TACC2: variants seen among roughly 807,000 people sequenced by gnomAD.
TACC2 encodes transforming acidic coiled-coil-containing protein 2.
TACC2 carries 137 observed loss-of-function variants against 227.3 expected under a neutral mutation model. The ratio of observed to expected loss-of-function variants is 0.60; its 90% CI spans 0.52 to 0.69. The LOEUF (loss-of-function observed/expected upper bound fraction) is 0.69, where lower values mean the gene tolerates loss of function less well. TACC2 is among the 30% of genes least tolerant of loss of function. TACC2 has a pLI of 0.00. For missense variants in TACC2, 3,470 were observed against 3,694.4 expected (o/e 0.94, Z 1.57); for synonymous variants, 1,523 against 1,487.5 (o/e 1.02, Z -0.55).
intron 7 of TACC2, among the ~76,000 whole-genome samples, chr10:122,145,202 T>C (rs949499797): frequency 6.6e-5 from 10 of 152,232 alleles, no homozygotes; most frequent in Admixed American, 2.6e-4. Flanking sequence ...GATGAAAATA[T>C]ATGTCTACCT....
chr10:122,247,995 A>G (rs1220958936), intron 19 of TACC2: 1 of 152,306 alleles, frequency 6.6e-6, no homozygotes, highest in African/African-American at 2.4e-5. Flanking sequence ...CACCAGGATC[A>G]GCCACTCGGA....
intron 5 of TACC2, among the ~76,000 whole-genome samples, chr10:122,131,852 A>G (rs1254662901): frequency 2.6e-5 from 4 of 151,144 alleles, no homozygotes; most frequent in African/African-American, 4.9e-5. Flanking sequence ...TGAAACCCCA[A>G]CTCTACTAGA....
chr10:122,032,820 G>A (rs766065916), intron 2 of TACC2, among the ~76,000 whole-genome samples: 31 of 152,194 alleles, frequency 2.0e-4, no homozygotes, highest in African/African-American at 3.1e-4. Context: ...TTAGCCGGGC[G>A]TGGTGGCATG....
chr10:122,171,247 T>C (rs2093458394), intron 7 of TACC2, among the ~76,000 whole-genome samples: 1 of 152,140 alleles, frequency 6.6e-6, no homozygotes, highest in South Asian at 2.1e-4. Context: ...CTTTTGCCTT[T>C]TCGTCTGCTT....
intron 1 of TACC2, among the ~76,000 whole-genome samples, chr10:121,990,567 C>G (rs1952987202): frequency 6.6e-6 from 1 of 151,986 alleles, no homozygotes. Context: ...ACCATTGTTC[C>G]TGGTGTTTCA....
intron 3 of TACC2, among the ~76,000 whole-genome samples, chr10:122,067,142 C>T (rs932959137): frequency 1.1e-4 from 16 of 152,148 alleles, no homozygotes; most frequent in African/African-American, 3.9e-4. Context: ...GTTCTTTATT[C>T]TGTTGTGTAG....
At chr10:122,076,985 A>G (rs904999593) in intron 3 of TACC2, among the ~76,000 whole-genome samples, 3 of 151,942 alleles carry the variant, frequency 2.0e-5, no homozygotes, top group Non-Finnish European at 4.4e-5. Flanking sequence ...CATGGTGGCA[A>G]AGGCCTGTAA....
intron 22 of TACC2, among the ~76,000 whole-genome samples, chr10:122,251,598 G>A (rs752584411): frequency 1.3e-5 from 2 of 152,198 alleles, no homozygotes; most frequent in Non-Finnish European, 2.9e-5. Context: ...TATTCGGGAG[G>A]CTAAGGTGGG....
intron 2 of TACC2, among the ~76,000 whole-genome samples, chr10:122,035,471 C>T (rs1029441358): frequency 6.6e-6 from 1 of 152,186 alleles, no homozygotes; most frequent in African/African-American, 2.4e-5. Context: ...ACGTGAGAAT[C>T]AGCAGTGAAC....
chr10:122,052,724 C>T (rs998967136), intron 3 of TACC2: 1 of 151,022 alleles, frequency 6.6e-6, no homozygotes, highest in Non-Finnish European at 1.5e-5. Context: ...CAAGAACACA[C>T]TCAAAAAAGC....
At position 122,207,122 on chromosome 10, in the gene TACC2, A is replaced by G. The variant is rs2095137329; in HGVS notation, c.5972-3275A>G. The stretch of plus-strand genomic sequence containing the variant: ...AAGACCAACCTGGCCAACATAATGA[A>G]ACCCCATCTCTACTAAAAATAGAAA... On this transcript the variant is annotated intron_variant, in intron 8 of 22. Transcript: ENST00000369005. Among the ~76,000 whole-genome samples the G allele has an allele frequency of 2.0e-5, 3 of 151,912 alleles. No individual in the cohort carries two copies. The South Asian group carries it at 6.2e-4, about 32-fold the overall frequency.
In TACC2 at chr10:122,119,140, TC is replaced by T. The variant is rs1565351763; in HGVS notation, c.5574-13468del. On this transcript the variant is annotated intron_variant, in intron 5 of 22. Transcript: ENST00000369005. ...TAAACAACAATTTCCCTTCTTCCCT[TC>T]TCTCCCCAGACCCTGGTAACACTAT... 9.1e-3 allele frequency among the ~76,000 whole-genome samples: 1,386 copies of T among 152,278 alleles called. 16 individuals carry two copies. The highest frequency in any genetic ancestry group is 0.032 in the African/African-American group (1,337 of 41,550).
At chr10:122,171,244 C>A (rs372568060) in intron 7 of TACC2, among the ~76,000 whole-genome samples, 1 of 152,010 alleles carries the variant, frequency 6.6e-6, no homozygotes, top group Non-Finnish European at 1.5e-5. Context: ...CTGCTTTTGC[C>A]TTTTCGTCTG....
intron 7 of TACC2, chr10:122,163,720 C>T (rs2092969922): frequency 2.8e-6 from 3 of 1,072,900 alleles, no homozygotes; most frequent in African/African-American, 1.7e-5. Context: ...CACACATACG[C>T]GGCGCTCGCC....
chr10:122,108,442 CTTTTTTTTTTTTT>C (rs34097153), intron 5 of TACC2, among the ~76,000 whole-genome samples: 1 of 90,022 alleles, frequency 1.1e-5, no homozygotes, highest in African/African-American at 4.3e-5. Flanking sequence ...GTCATATTTT[CTTTTTTTTTTTTT>C]TTTTTTTGAG....
chr10:122,188,895 A>G (rs2094311691), intron 7 of TACC2, among the ~76,000 whole-genome samples: 1 of 152,182 alleles, frequency 6.6e-6, no homozygotes. Flanking sequence ...GTCAGCCTGG[A>G]AAATTCTAGC....
intron 5 of TACC2, among the ~76,000 whole-genome samples, chr10:122,109,693 A>C (rs1320567193): frequency 6.6e-6 from 1 of 152,212 alleles, no homozygotes; most frequent in Admixed American, 6.5e-5. Flanking sequence ...TTGCTTCAAA[A>C]CAATCTGGGT....
chr10:122,226,762 A>G (rs2095637590), intron 13 of TACC2, among the ~76,000 whole-genome samples: 1 of 152,186 alleles, frequency 6.6e-6, no homozygotes, highest in African/African-American at 2.4e-5. Flanking sequence ...GTCTCTCTGA[A>G]TGTCCACAGG....
intron 1 of TACC2, among the ~76,000 whole-genome samples, chr10:122,019,559 A>T (rs1475679573): frequency 6.6e-6 from 1 of 152,210 alleles, no homozygotes; most frequent in African/African-American, 2.4e-5. Context: ...TTTAGTTTGG[A>T]TAAGCCTTTT....
Sources: gnomAD v4.1 joint callset for allele counts (sites outside exome capture counted in the v4.1 genomes callset) on GRCh38, gnomAD v4.1.1 for gene constraint, MANE v1.5 for transcripts, NCBI Gene and HGNC (gene_info 2026-07-23, HGNC 2026-07-21) for gene names.